The following AFF2 variants were observed in gnomAD, a reference collection of about 807,000 sequenced individuals.
AFF2 encodes AF4/FMR2 family member 2.
In AFF2, 14 loss-of-function variants were observed where a neutral mutation model predicts 76.9. The ratio of observed to expected loss-of-function variants is 0.18; its 90% CI spans 0.12 to 0.28. AFF2 has a LOEUF of 0.28. AFF2 is among the 10% of genes least tolerant of loss of function. The probability of loss-of-function intolerance (pLI) is 1.00; values close to 1 mark genes in which losing one functional copy is unlikely to be tolerated. For synonymous variants in AFF2, 398 were observed against 366.7 expected, an observed-to-expected ratio of 1.09 and a Z score of -0.98; for missense variants, 868 against 1,001.1, an observed-to-expected ratio of 0.87 and a Z score of 1.79.
intron 1 of AFF2, among the ~76,000 whole-genome samples, chrX:148,630,137 C>T (rs782395709): frequency 1.8e-5 from 2 of 111,299 alleles, no homozygotes; most frequent in Non-Finnish European, 3.8e-5. Context: ...ACCAGAGCTT[C>T]TCTGGTCAGG....
chrX:148,656,654 T>C (rs1331026359), intron 2 of AFF2, among the ~76,000 whole-genome samples: 1 of 105,387 alleles, frequency 9.5e-6, no homozygotes. Flanking sequence ...CGCCCGCCAC[T>C]ACGCCCGGCT....
chrX:148,894,625 T>C (rs1294893350), intron 8 of AFF2, among the ~76,000 whole-genome samples: 2 of 111,722 alleles, frequency 1.8e-5, no homozygotes, highest in Non-Finnish European at 3.8e-5. Flanking sequence ...ATAAACTTGC[T>C]AAAGCTAGTT....
intron 1 of AFF2, among the ~76,000 whole-genome samples, chrX:148,593,069 G>C (rs782211494): frequency 5.4e-5 from 6 of 111,717 alleles, no homozygotes; most frequent in Non-Finnish European, 7.5e-5. Flanking sequence ...GGGAGCCCAG[G>C]CTGACCACAC....
chrX:148,687,580 G>C (rs1440619875), intron 3 of AFF2, among the ~76,000 whole-genome samples: 1 of 110,575 alleles, frequency 9.0e-6, no homozygotes, highest in Non-Finnish European at 1.9e-5. Flanking sequence ...TTAAGTAAGA[G>C]CTCATTATTT....
At chrX:148,694,319 TA>T (rs1158331286) in intron 3 of AFF2, among the ~76,000 whole-genome samples, 74 of 109,164 alleles carry the variant, frequency 6.8e-4, no homozygotes, top group African/African-American at 2.2e-3. Flanking sequence ...AGTATAATAA[TA>T]AAAAAAAAGA....
At position 148,933,983 on chromosome X, in the gene AFF2, G is replaced by A. The variant is rs1394369725; in HGVS notation, c.1398-19597G>A. Among the ~76,000 whole-genome samples, 4 of 111,597 alleles carry A rather than the reference G, an allele frequency of 3.6e-5. No homozygotes were observed. The East Asian group carries it at 1.1e-3, about 31-fold the overall frequency. ...CTAGAATTACATGCCTCAACTCAGT[G>A]GTTCTCAAACTTGGAAATCAACTAT... On this transcript the variant is annotated intron_variant, in intron 9 of 20. Coordinates refer to ENST00000370460, the MANE Select transcript of AFF2 (RefSeq NM_002025.4).
At chrX:148,762,542 A>G (rs1383297786) in intron 3 of AFF2, among the ~76,000 whole-genome samples, 1 of 106,796 alleles carries the variant, frequency 9.4e-6, no homozygotes, top group African/African-American at 3.5e-5. Flanking sequence ...TCATTGATTC[A>G]TGGCCATTTG....
chrX:148,597,843 A>C (rs2053590085), intron 1 of AFF2, among the ~76,000 whole-genome samples: 1 of 112,415 alleles, frequency 8.9e-6, no homozygotes, highest in South Asian at 3.7e-4. Context: ...GCTAATCGCA[A>C]ACTCTTCGTT....
chrX:148,674,103 C>G (rs1456319711), intron 3 of AFF2, among the ~76,000 whole-genome samples: 2 of 111,938 alleles, frequency 1.8e-5, no homozygotes, highest in African/African-American at 6.5e-5. Flanking sequence ...TGAAAACAAC[C>G]AAAGACAGTA....
chrX:148,849,600 G>A (rs948724741), intron 7 of AFF2, among the ~76,000 whole-genome samples: 1 of 110,761 alleles, frequency 9.0e-6, no homozygotes, highest in Non-Finnish European at 1.9e-5. Context: ...GACTAGCACC[G>A]ACAATGCCAG....
At chrX:148,722,448 G>A (rs12010599) in intron 3 of AFF2, among the ~76,000 whole-genome samples, 28,247 of 108,855 alleles carry the variant, frequency 0.26, 4,269 homozygotes, top group African/African-American at 0.57. Flanking sequence ...GCAAGAACTC[G>A]ACCAGCGAGA....
intron 12 of AFF2, among the ~76,000 whole-genome samples, chrX:148,959,868 G>A (rs781863981): frequency 7.1e-5 from 8 of 112,554 alleles, no homozygotes; most frequent in Non-Finnish European, 1.3e-4. Flanking sequence ...CATAGCTGTG[G>A]TGGCATTGTT....
chrX:148,935,308 T>C (rs1271956498), intron 9 of AFF2, among the ~76,000 whole-genome samples: 2 of 110,116 alleles, frequency 1.8e-5, no homozygotes, highest in East Asian at 5.7e-4. Flanking sequence ...TAACATATTT[T>C]GAAATTAGGT....
rs782055032 is a variant in AFF2 at position 148,926,870 on chromosome X, GA to G, written c.1397+22618del. 2.2e-4 allele frequency among the ~76,000 whole-genome samples: 25 copies of G among 112,033 alleles called. No homozygotes were observed. In the South Asian group the frequency reaches 8.5e-3, roughly 38 times the overall value. ...AGAATAAAAGCCTCAGTGTCACATG[GA>G]AAAAACAGCTTATGAATTCTGCTCT... On this transcript the variant is annotated intron_variant, in intron 9 of 20. Coordinates refer to ENST00000370460, the MANE Select transcript of AFF2 (RefSeq NM_002025.4).
chrX:148,784,642 G>A (rs2069790715), intron 3 of AFF2, among the ~76,000 whole-genome samples: 1 of 111,415 alleles, frequency 9.0e-6, no homozygotes, highest in Non-Finnish European at 1.9e-5. Flanking sequence ...TGACCATTTG[G>A]AACAAGATTT....
At chrX:148,928,000 TG>T (rs1396106617) in intron 9 of AFF2, among the ~76,000 whole-genome samples, 2 of 111,839 alleles carry the variant, frequency 1.8e-5, no homozygotes, top group Admixed American at 1.9e-4. Flanking sequence ...ATGAAGCCTT[TG>T]GCTCTGTTTT....
intron 9 of AFF2, among the ~76,000 whole-genome samples, chrX:148,933,593 T>C (rs2071738962): frequency 9.0e-6 from 1 of 110,885 alleles, no homozygotes; most frequent in Admixed American, 9.6e-5. Context: ...TGATGTATTT[T>C]GAAAGGAGAA....
chrX:148,666,768 T>G (rs936561354), intron 3 of AFF2, among the ~76,000 whole-genome samples: 3 of 111,391 alleles, frequency 2.7e-5, no homozygotes, highest in Admixed American at 9.5e-5. Flanking sequence ...TTATATCAAG[T>G]GGAAACTGAG....
At chrX:148,985,873 T>G (rs782449915) in intron 19 of AFF2, among the ~76,000 whole-genome samples, 1 of 110,714 alleles carries the variant, frequency 9.0e-6, no homozygotes, top group African/African-American at 3.3e-5. Context: ...AGAAAATAGA[T>G]GGTTTGCAGA....
Sources: gnomAD v4.1 joint callset for allele counts (sites outside exome capture counted in the v4.1 genomes callset) on GRCh38, gnomAD v4.1.1 for gene constraint, MANE v1.5 for transcripts, NCBI Gene and HGNC (gene_info 2026-07-23, HGNC 2026-07-21) for gene names.